The following SHISA5 variants were observed in gnomAD, a reference collection of about 807,000 sequenced individuals.
SHISA5 encodes protein shisa-5.
SHISA5 carries 21 observed loss-of-function variants against 27.5 expected under a neutral mutation model. That is an observed-to-expected ratio of 0.76 (90% CI 0.54 to 1.10). The LOEUF (loss-of-function observed/expected upper bound fraction) is 1.10. Ranked by LOEUF, SHISA5 falls within the 50% of genes least tolerant of loss-of-function variation. SHISA5 has a pLI of 0.00. For missense variants in SHISA5, 314 were observed against 336.3 expected (o/e 0.93, Z 0.52); for synonymous variants, 137 against 142.2 (o/e 0.96, Z 0.26).
Position 48,468,810 on chromosome 3 carries a change from A to T in SHISA5, c.*297T>A. 1 of 1,454,802 alleles carries T rather than the reference A, an allele frequency of 6.9e-7. No individual in the cohort carries two copies. The highest frequency in any genetic ancestry group is 9.1e-7 in the Non-Finnish European group (1 of 1,094,942). The allele number at this position is 1,454,802 out of a possible 1,614,324, so 90.1% of individuals were successfully genotyped here. ...GCCCCCACCTCTCAGGGGCCACCTC[A>T]CAGGGTGCCCCCCACCACCCCATTC... is the stretch of plus-strand genomic sequence containing the variant. On this transcript the variant is annotated 3_prime_UTR_variant, in exon 6 of 6. Coordinates refer to ENST00000296444, the MANE Select transcript of SHISA5 (RefSeq NM_016479.6).
In SHISA5 at chr3:48,469,322, G is replaced by C; in HGVS notation, c.643+39C>G. The stretch of plus-strand genomic sequence containing the variant: ...GCCCGAGGGATGCTGGCAGAGACTC[G>C]GGAAGTCGGGCAGGGCTAGAGTTGG... On this transcript the variant is annotated intron_variant, in intron 5 of 5. Coordinates refer to ENST00000296444, the MANE Select transcript of SHISA5 (RefSeq NM_016479.6). This position sits in a 1 kb window ranked among gnomAD's most constrained non-coding sequence, Gnocchi z 4.6. The C allele has an allele frequency of 6.4e-7, 1 of 1,567,296 alleles. No homozygotes were observed. The highest frequency in any genetic ancestry group is 8.7e-7 in the Non-Finnish European group (1 of 1,154,458).
At position 48,479,260 on chromosome 3, in the gene SHISA5, G is replaced by C. The variant is rs1264432662; in HGVS notation, c.234-3C>G. 5 of 1,604,222 alleles carry C rather than the reference G, an allele frequency of 3.1e-6. No homozygotes were observed. In the East Asian group the frequency reaches 1.1e-4, roughly 36 times the overall value. On this transcript the variant is annotated splice_region_variant and splice_polypyrimidine_tract_variant and intron_variant, in intron 2 of 5. Coordinates refer to ENST00000296444, the MANE Select transcript of SHISA5 (RefSeq NM_016479.6). ...CCGGCTCTACACTGGCAGGCACGCT[G>C]CAAACAGGAAACCTTGTGATTAGCA...
At chr3:48,475,436 C>T (rs949665926) in intron 3 of SHISA5, among the ~76,000 whole-genome samples, 9 of 152,108 alleles carry the variant, frequency 5.9e-5, no homozygotes, top group South Asian at 2.1e-4. Flanking sequence ...GGGGAGAACT[C>T]GGCGGCCTCC....
At chr3:48,504,712 C>T, upstream of SHISA5, 1 of 152,530 alleles carries the variant, frequency 6.6e-6, no homozygotes, top group Non-Finnish European at 1.5e-5. The surrounding 1 kb of genome is among the most constrained non-coding windows in gnomAD (Gnocchi z 4.0). Flanking sequence ...CGATCTCCTG[C>T]CCCCTGGGAC....
intron 2 of SHISA5, among the ~76,000 whole-genome samples, chr3:48,482,508 C>T (rs2041057834): frequency 1.3e-5 from 2 of 152,158 alleles, no homozygotes; most frequent in African/African-American, 4.8e-5. Context: ...GGCAACTGAA[C>T]ACAGTATTTA....
chr3:48,479,415 AGCACAAAGCCACACATCCTCTCAG>A (rs1451143346), intron 2 of SHISA5, 158 bp from the exon 3 acceptor site: 1 of 638,278 alleles, frequency 1.6e-6, no homozygotes, highest in Admixed American at 2.6e-5. Flanking sequence ...GGGATCTCAT[AGCACAAAGCCACACATCCTCTCAG>A]GTGTCCACCA....
At chr3:48,488,918 A>C (rs2041335688) in intron 2 of SHISA5, among the ~76,000 whole-genome samples, 2 of 152,174 alleles carry the variant, frequency 1.3e-5, no homozygotes, top group Admixed American at 1.3e-4. Flanking sequence ...GACAATTCTC[A>C]GCCTATCCAT....
At chr3:48,501,748 T>C (rs1196377041) in intron 1 of SHISA5, among the ~76,000 whole-genome samples, 1 of 152,092 alleles carries the variant, frequency 6.6e-6, no homozygotes, top group Non-Finnish European at 1.5e-5. Flanking sequence ...CTTTCAACTC[T>C]ACTCATCCTT....
At chr3:48,479,405 G>T in intron 2 of SHISA5, 148 bp from the exon 3 acceptor site, 1 of 669,364 alleles carries the variant, frequency 1.5e-6, no homozygotes, top group Non-Finnish European at 2.6e-6. Context: ...TGCCCACACC[G>T]GGATCTCATA....
At chr3:48,491,141 T>C (rs774069736) in intron 2 of SHISA5, among the ~76,000 whole-genome samples, 16 of 149,050 alleles carry the variant, frequency 1.1e-4, no homozygotes, top group African/African-American at 3.2e-4. Flanking sequence ...TTTTTTGAGA[T>C]GGAGTCTCGC....
At chr3:48,477,848 G>GCTCTGGCTCT (rs776916555) in intron 3 of SHISA5, among the ~76,000 whole-genome samples, 15 of 152,198 alleles carry the variant, frequency 9.9e-5, no homozygotes, top group African/African-American at 1.9e-4. Context: ...TTGCCACCAA[G>GCTCTGGCTCT]CTCTGGCTCT....
chr3:48,496,705 A>G (rs1369245351), intron 2 of SHISA5, among the ~76,000 whole-genome samples: 2 of 151,232 alleles, frequency 1.3e-5, no homozygotes, highest in Non-Finnish European at 3.0e-5. Context: ...TCACACTCCA[A>G]TCTGGGGACA....
intron 2 of SHISA5, among the ~76,000 whole-genome samples, chr3:48,490,339 G>C (rs9851743): frequency 0.13 from 19,152 of 152,234 alleles, 2,658 homozygotes; most frequent in African/African-American, 0.34. Flanking sequence ...TCCCGAAGTG[G>C]TAGGATTACA....
At chr3:48,502,671 T>C (rs1197258476) in intron 1 of SHISA5, 1 of 321,872 alleles carries the variant, frequency 3.1e-6, no homozygotes, top group Non-Finnish European at 6.2e-6. Context: ...CTGTGCCCAC[T>C]AACAGGAAGG....
In SHISA5 at chr3:48,503,375, C is replaced by A. The variant is rs142169318; in HGVS notation, c.76+644G>T. Among the ~76,000 whole-genome samples, 1,208 of 152,318 alleles carry A rather than the reference C, an allele frequency of 7.9e-3. 18 individuals are homozygous for A. Among genetic ancestry groups the A allele is most frequent in the African/African-American group, 0.028 (1,158 of 41,550 alleles). On this transcript the variant is annotated intron_variant, in intron 1 of 5. Transcript: ENST00000296444. ...CCAGGTCCTCTGGATTCATCCCAGC[C>A]CCCAGGAAATACAGCCTTCCCCTCC...
chr3:48,469,115 C>T lies in SHISA5; in HGVS notation c.715G>A (p.Ala239Thr), dbSNP rs1469265510. The T allele has an allele frequency of 6.2e-7, 1 of 1,613,006 alleles. No individual in the cohort carries two copies. The highest frequency in any genetic ancestry group is 8.5e-7 in the Non-Finnish European group (1 of 1,180,008). The change falls in exon 6 of 6, where the codon GCC (alanine) becomes ACC (threonine). Residue 239 changes from alanine (A) to threonine (T), a missense_variant. Ala to Thr is a moderately conservative substitution (Grantham distance 58). Transcript: ENST00000296444. This position sits in a 1 kb window ranked among gnomAD's most constrained non-coding sequence, Gnocchi z 4.6. ...GAGAGGCCAGGGAATGCTCAGAGGG[C>T]CGCCTTCGGGGCATCCATGTAGGCC... Reference protein sequence around the residue: ...NPAYMDAPKAAL With the variant: ...NPAYMDAPKATL
chr3:48,491,760 C>T (rs1198130807), intron 2 of SHISA5, among the ~76,000 whole-genome samples: 2 of 151,944 alleles, frequency 1.3e-5, no homozygotes, highest in African/African-American at 4.8e-5. Flanking sequence ...GCAATTCTCC[C>T]ACCTCAGCCT....
At chr3:48,481,976 G>A (rs2041035320) in intron 2 of SHISA5, among the ~76,000 whole-genome samples, 1 of 151,374 alleles carries the variant, frequency 6.6e-6, no homozygotes, top group Non-Finnish European at 1.5e-5. Flanking sequence ...GGCTGAGGCA[G>A]GAGAATGGTG....
At position 48,479,362 on chromosome 3, in the gene SHISA5, C is replaced by T. The variant is rs7611604; in HGVS notation, c.234-105G>A. ...AACGTGCACAGAAGCTACTATGAAC[C>T]GGTGGCTTCAATGGCCTTCCAGAGG... On this transcript the variant is annotated intron_variant, in intron 2 of 5. Coordinates refer to ENST00000296444, the MANE Select transcript of SHISA5 (RefSeq NM_016479.6). The T allele has an allele frequency of 8.0e-3, 9,006 of 1,129,662 alleles. 539 individuals are homozygous for T. In the African/African-American group the frequency reaches 0.13, roughly 16 times the overall value. 70.0% of individuals were successfully genotyped at this position (1,129,662 alleles called of 1,614,324 possible).
Sources: gnomAD v4.1 joint callset for allele counts (sites outside exome capture counted in the v4.1 genomes callset) on GRCh38, gnomAD v4.1.1 for gene constraint, Gnocchi (gnomAD v3.1) non-coding constraint, MANE v1.5 for transcripts, NCBI Gene and HGNC (gene_info 2026-07-23, HGNC 2026-07-21) for gene names.